COL21A1: variants seen among roughly 807,000 people sequenced by gnomAD.
The protein encoded by COL21A1 is collagen type XXI alpha 1 chain.
In COL21A1, 149 loss-of-function variants were observed where a neutral mutation model predicts 137.9. That is an observed-to-expected ratio of 1.08 (90% CI 0.95 to 1.24). The LOEUF (loss-of-function observed/expected upper bound fraction) is 1.24, where lower values mean the gene tolerates loss of function less well. COL21A1 is among the 50% of genes most tolerant of loss of function. The probability of loss-of-function intolerance (pLI) is 0.00; values close to 1 mark genes in which losing one functional copy is unlikely to be tolerated. For synonymous variants in COL21A1, 456 were observed against 391.5 expected, an observed-to-expected ratio of 1.16 and a Z score of -1.95; for missense variants, 1,167 against 1,158.4, an observed-to-expected ratio of 1.01 and a Z score of -0.11.
chr6:56,303,661 A>C (rs1420568243), intron 1 of COL21A1, among the ~76,000 whole-genome samples: 4 of 152,156 alleles, frequency 2.6e-5, no homozygotes, highest in Non-Finnish European at 4.4e-5. Flanking sequence ...TAGATATACA[A>C]TCATGTCATC....
intron 1 of COL21A1, among the ~76,000 whole-genome samples, chr6:56,189,431 A>C (rs1778514686): frequency 6.6e-6 from 1 of 152,066 alleles, no homozygotes; most frequent in South Asian, 2.1e-4. Flanking sequence ...AAAGAATAAA[A>C]AGGAATGAAT....
At chr6:56,246,760 T>C (rs534803965) in intron 1 of COL21A1, among the ~76,000 whole-genome samples, 85 of 152,358 alleles carry the variant, frequency 5.6e-4, no homozygotes, top group African/African-American at 1.9e-3. Context: ...AGGTGCTTGC[T>C]GCTGCGGGCC....
intron 1 of COL21A1, among the ~76,000 whole-genome samples, chr6:56,382,842 G>C (rs113119322): frequency 1.6e-4 from 24 of 152,162 alleles, no homozygotes; most frequent in African/African-American, 5.5e-4. Flanking sequence ...TTTTGTTATG[G>C]CAGCCCAAAC....
Position 56,143,798 on chromosome 6 carries a change from C to T in COL21A1, c.1435-1815G>A, listed in dbSNP as rs531878030. Among the ~76,000 whole-genome samples, 15 of 152,290 alleles carry T rather than the reference C, an allele frequency of 9.8e-5. 1 individual carries two copies. The South Asian group carries it at 3.1e-3, about 32-fold the overall frequency. On this transcript the variant is annotated intron_variant, in intron 10 of 29. Transcript: ENST00000244728. ...TTGAGATCAAAGACCAGGTTTAATT[C>T]ATTTCTGTATTTTTGGCATTGAACA...
rs1767145574 is a variant in COL21A1 at position 56,075,459 on chromosome 6, T to C, written c.1911+20A>G. 3.3e-6 allele frequency: 5 copies of C among 1,532,338 alleles called. No homozygotes were observed. In the Admixed American group the frequency reaches 8.4e-5, roughly 26 times the overall value. 94.9% of individuals were successfully genotyped at this position (1,532,338 alleles called of 1,614,324 possible). ...ACACTGCAAACACTTTGATGTATGA[T>C]GATAATGACATCAACATACAGGCAT... is the stretch of plus-strand genomic sequence containing the variant. On this transcript the variant is annotated intron_variant, in intron 19 of 29. Transcript: ENST00000244728.
intron 1 of COL21A1, among the ~76,000 whole-genome samples, chr6:56,326,802 T>C (rs907487544): frequency 3.3e-5 from 5 of 152,040 alleles, no homozygotes. Flanking sequence ...AAACACATAT[T>C]CATTTCTATC....
At chr6:56,075,625 A>T in intron 18 of COL21A1, 93 bp from the exon 19 acceptor site, 1 of 879,136 alleles carries the variant, frequency 1.1e-6, no homozygotes, top group Non-Finnish European at 1.7e-6. Context: ...ATGACAATTG[A>T]ATATCAATCA....
At chr6:56,355,882 A>C (rs1168910046) in intron 1 of COL21A1, among the ~76,000 whole-genome samples, 1 of 152,220 alleles carries the variant, frequency 6.6e-6, no homozygotes, top group East Asian at 1.9e-4. Flanking sequence ...GCAATTTAAA[A>C]GAAAAAGAAC....
At chr6:56,212,777 A>C (rs1286523896) in intron 1 of COL21A1, among the ~76,000 whole-genome samples, 1 of 152,094 alleles carries the variant, frequency 6.6e-6, no homozygotes, top group East Asian at 1.9e-4. Context: ...TATGTTCACA[A>C]GGATGTGAAA....
At chr6:56,186,383 A>T (rs1778303741) in intron 1 of COL21A1, among the ~76,000 whole-genome samples, 1 of 152,214 alleles carries the variant, frequency 6.6e-6, no homozygotes, top group South Asian at 2.1e-4. Flanking sequence ...AAAAAAATCG[A>T]CATACAACAT....
intron 10 of COL21A1, among the ~76,000 whole-genome samples, chr6:56,155,273 C>T (rs77595853): frequency 6.6e-6 from 1 of 152,348 alleles, no homozygotes; most frequent in East Asian, 1.9e-4. Flanking sequence ...CCATGCAGCA[C>T]ATTTCCCTAG....
Position 56,101,882 on chromosome 6 carries a change from G to T in COL21A1, c.1759-357C>A, listed in dbSNP as rs566884564. On this transcript the variant is annotated intron_variant, in intron 16 of 29. Coordinates refer to ENST00000244728, the MANE Select transcript of COL21A1 (RefSeq NM_030820.4). ...ACTTTTTCATTTTTATTTTAAAATT[G>T]ATCACTATGTTGGACCTAATTTGAC... 2.0e-5 allele frequency among the ~76,000 whole-genome samples: 3 copies of T among 151,918 alleles called. No individual in the cohort carries two copies. The South Asian group carries it at 6.2e-4, about 32-fold the overall frequency.
intron 9 of COL21A1, among the ~76,000 whole-genome samples, chr6:56,158,266 C>T (rs142766534): frequency 0.027 from 1,699 of 62,278 alleles, 15 homozygotes; most frequent in African/African-American, 0.056. Flanking sequence ...TTTTTTTTTT[C>T]TTTTTTTTTT....
chr6:56,108,285 G>A (rs12210228), intron 16 of COL21A1, among the ~76,000 whole-genome samples: 22,256 of 151,698 alleles, frequency 0.15, 1,667 homozygotes, highest in Middle Eastern at 0.22. Flanking sequence ...GGTGAAAATA[G>A]ACTTAATCTA....
chr6:56,134,239 G>T (rs912737734), intron 12 of COL21A1, among the ~76,000 whole-genome samples: 1 of 152,188 alleles, frequency 6.6e-6, no homozygotes, highest in Non-Finnish European at 1.5e-5. Context: ...AGCATGACCT[G>T]GATGTAAGAC....
chr6:56,061,210 T>C (rs1765774257), intron 25 of COL21A1, 173 bp from the exon 26 acceptor site: 2 of 606,528 alleles, frequency 3.3e-6, no homozygotes, highest in Non-Finnish European at 5.5e-6. Flanking sequence ...TCATGTCATA[T>C]TAAACTGTCA....
intron 1 of COL21A1, among the ~76,000 whole-genome samples, chr6:56,190,596 C>T (rs1165516794): frequency 2.6e-5 from 4 of 152,106 alleles, no homozygotes; most frequent in Non-Finnish European, 5.9e-5. Flanking sequence ...TTTATGAGGC[C>T]AGCATCATCC....
At chr6:56,136,906 A>T (rs1411660879) in intron 12 of COL21A1, among the ~76,000 whole-genome samples, 4 of 152,030 alleles carry the variant, frequency 2.6e-5, no homozygotes, top group African/African-American at 9.7e-5. Flanking sequence ...GACCGTGGGT[A>T]CTCATTCATC....
chr6:56,353,473 T>A lies in COL21A1; in HGVS notation c.-39+40498A>T, dbSNP rs114801345. Among the ~76,000 whole-genome samples, 923 of 152,302 alleles carry A rather than the reference T, an allele frequency of 6.1e-3. 12 individuals are homozygous for A. Among genetic ancestry groups the A allele is most frequent in the African/African-American group, 0.021 (887 of 41,572 alleles). ...TTCTGTGAGGTCAGAAGCCTCCAGA[T>A]GACCCAGTCCCAGACATTCCTACAG... On this transcript the variant is annotated intron_variant, in intron 1 of 28. Coordinates refer to the COL21A1 transcript ENST00000370819.
Sources: gnomAD v4.1 joint callset for allele counts (sites outside exome capture counted in the v4.1 genomes callset) on GRCh38, gnomAD v4.1.1 for gene constraint, MANE v1.5 for transcripts, NCBI Gene and HGNC (gene_info 2026-07-23, HGNC 2026-07-21) for gene names.